Variants in SORCS1 observed in about 807,000 individuals in gnomAD.
SORCS1 encodes VPS10 domain-containing receptor SorCS1.
A neutral mutation model predicts 146.1 loss-of-function variants in SORCS1; 60 were observed. The ratio of observed to expected loss-of-function variants is 0.41; its 90% confidence interval spans 0.33 to 0.51. The LOEUF is 0.51. SORCS1 is among the 20% of genes least tolerant of loss of function. The pLI, the probability that SORCS1 is intolerant of heterozygous loss-of-function variation, is 0.21. For missense variants in SORCS1, 1,352 were observed against 1,487.6 expected (o/e 0.91, Z 1.50); for synonymous variants, 637 against 584.0 (o/e 1.09, Z -1.31).
intron 2 of SORCS1, among the ~76,000 whole-genome samples, chr10:106,866,350 G>A (rs1950221645): frequency 6.6e-6 from 1 of 152,208 alleles, no homozygotes. Context: ...GGAACCTGCA[G>A]GTTGGGCCCA....
intron 1 of SORCS1, among the ~76,000 whole-genome samples, chr10:107,130,957 C>T (rs898093695): frequency 6.6e-6 from 1 of 152,160 alleles, no homozygotes; most frequent in African/African-American, 2.4e-5. Flanking sequence ...TCCTCCCTCC[C>T]AATCCCCCAG....
chr10:106,710,715 T>C (rs1854918621), intron 6 of SORCS1, among the ~76,000 whole-genome samples: 1 of 152,078 alleles, frequency 6.6e-6, no homozygotes, highest in South Asian at 2.1e-4. Flanking sequence ...TGAGAATAAA[T>C]TCAAACTCTC....
chr10:106,932,846 A>T (rs1953487907), intron 2 of SORCS1, among the ~76,000 whole-genome samples: 1 of 152,198 alleles, frequency 6.6e-6, no homozygotes, highest in African/African-American at 2.4e-5. Flanking sequence ...CTTTCCAGGC[A>T]CTGCCTCCTC....
intron 1 of SORCS1, among the ~76,000 whole-genome samples, chr10:106,956,947 A>T: frequency 6.6e-6 from 1 of 152,202 alleles, no homozygotes; most frequent in Non-Finnish European, 1.5e-5. Context: ...GTCAATGATT[A>T]GTTTCCAGCC....
At chr10:106,694,117 G>A (rs1452157894) in intron 9 of SORCS1, among the ~76,000 whole-genome samples, 2 of 152,120 alleles carry the variant, frequency 1.3e-5, no homozygotes. Context: ...CATGAGGCCG[G>A]GGTGCCTTCA....
chr10:107,019,794 G>A (rs1958053794), intron 1 of SORCS1, among the ~76,000 whole-genome samples: 1 of 152,204 alleles, frequency 6.6e-6, no homozygotes, highest in Non-Finnish European at 1.5e-5. Context: ...GAGCCCATTG[G>A]GGCATGACTA....
chr10:106,789,273 T>C (rs1946204619), intron 3 of SORCS1, among the ~76,000 whole-genome samples: 1 of 152,186 alleles, frequency 6.6e-6, no homozygotes, highest in Non-Finnish European at 1.5e-5. Context: ...CCTGGAGACA[T>C]TTTCCCCCTT....
At chr10:106,597,236 G>T in intron 24 of SORCS1, 115 bp downstream of exon 24, 1 of 804,942 alleles carries the variant, frequency 1.2e-6, no homozygotes, top group Non-Finnish European at 2.1e-6. Flanking sequence ...TCCGATGACT[G>T]ATTTGATTTC....
In SORCS1 at chr10:106,671,270, T is replaced by C; in HGVS notation, c.2156A>G (p.Glu719Gly). The change falls in exon 16 of 26, where the codon GAA becomes GGA. Residue 719 changes from glutamate (E) to glycine (G), a missense_variant. Glu to Gly is a moderately conservative substitution (Grantham distance 98, BLOSUM62 -2). Transcript: ENST00000263054. ...ATCAGCCTCAGTGCAGACACAGGGT[T>C]CAGATTCCATAGCTCCTGCATATTT... is the stretch of plus-strand genomic sequence containing the variant. ...QGKYAGAMES[E>G]PCVCTEADFD... is the part of the protein sequence containing the mutation. 1 of 1,614,156 alleles carries C rather than the reference T, an allele frequency of 6.2e-7. No homozygotes were observed. The highest frequency in any genetic ancestry group is 8.5e-7 in the Non-Finnish European group (1 of 1,179,994).
chr10:107,164,796 G>A (rs1399124489), upstream of SORCS1, among the ~76,000 whole-genome samples: 1 of 148,354 alleles, frequency 6.7e-6, no homozygotes, highest in African/African-American at 2.4e-5. The surrounding 1 kb of genome is among the most constrained non-coding windows in gnomAD (Gnocchi z 6.8). Context: ...GGGCGCTGGC[G>A]GGCGACGCGG....
intron 25 of SORCS1, chr10:106,577,777 G>C (rs1844657786): frequency 2.5e-6 from 2 of 789,124 alleles, no homozygotes; most frequent in Admixed American, 3.7e-5. Context: ...CAGGGTGAAT[G>C]CTTCTCTGGA....
intron 2 of SORCS1, among the ~76,000 whole-genome samples, chr10:106,854,830 T>C (rs1303983391): frequency 1.3e-5 from 2 of 152,192 alleles, no homozygotes; most frequent in East Asian, 3.8e-4. Context: ...TGTATGTGTG[T>C]GTGTATATAT....
chr10:107,134,737 G>A (rs1359666054), intron 1 of SORCS1, among the ~76,000 whole-genome samples: 1 of 152,206 alleles, frequency 6.6e-6, no homozygotes, highest in East Asian at 1.9e-4. Context: ...CAAGTCAGCA[G>A]AGGAAAAGTC....
At chr10:106,734,414 A>C (rs1340615857) in intron 5 of SORCS1, among the ~76,000 whole-genome samples, 1 of 152,304 alleles carries the variant, frequency 6.6e-6, no homozygotes, top group South Asian at 2.1e-4. Flanking sequence ...TTTCAGAATG[A>C]TGAACATACT....
chr10:106,742,076 C>A (rs1203995319), intron 5 of SORCS1, among the ~76,000 whole-genome samples: 7 of 152,090 alleles, frequency 4.6e-5, no homozygotes. Context: ...GAAAAGAGAT[C>A]CAGTCAGTAA....
intron 5 of SORCS1, among the ~76,000 whole-genome samples, chr10:106,749,229 G>A (rs1393646667): frequency 3.9e-5 from 6 of 152,160 alleles, no homozygotes; most frequent in Non-Finnish European, 5.9e-5. Context: ...TTCCTTCCAA[G>A]ACTCATTTTA....
the SORCS1 span, among the ~76,000 whole-genome samples, chr10:107,179,904 CTTTTTTTTTT>C: frequency 2.3e-4 from 12 of 51,284 alleles, no homozygotes; most frequent in Admixed American, 1.5e-3. Flanking sequence ...ACAAAACAGA[CTTTTTTTTTT>C]TTTTTTTTTT....
chr10:106,760,170 C>A (rs929650097), intron 5 of SORCS1, among the ~76,000 whole-genome samples: 1 of 151,960 alleles, frequency 6.6e-6, no homozygotes, highest in East Asian at 1.9e-4. Context: ...AGAGGCCGGG[C>A]GTGATGGCTC....
At chr10:106,911,512 C>A (rs1445044837) in intron 2 of SORCS1, among the ~76,000 whole-genome samples, 1 of 152,070 alleles carries the variant, frequency 6.6e-6, no homozygotes, top group Non-Finnish European at 1.5e-5. Context: ...TAGCTGCATG[C>A]ATCAGTACCA....
Sources: allele counts gnomAD v4.1 joint callset (sites outside exome capture counted in the v4.1 genomes callset), GRCh38; gene constraint gnomAD v4.1.1; non-coding constraint Gnocchi (gnomAD v3.1); transcripts MANE v1.5; gene names NCBI Gene and HGNC (gene_info 2026-07-23, HGNC 2026-07-21).